WWP2: variants seen among roughly 807,000 people sequenced by gnomAD.
The protein encoded by WWP2 is NEDD4-like E3 ubiquitin-protein ligase WWP2.
A neutral mutation model predicts 121.0 loss-of-function variants in WWP2; 57 were observed. The observed-to-expected ratio is 0.47, with a 90% CI of 0.38 to 0.59. WWP2 has a LOEUF of 0.59. Among genes scored for constraint, WWP2 ranks in the 20% least tolerant of loss-of-function variants. The pLI, the probability that WWP2 is intolerant of heterozygous loss-of-function variation, is 0.00. For synonymous variants in WWP2, 449 were observed against 441.3 expected (o/e 1.02, Z -0.22); for missense variants, 962 against 1,158.9 (o/e 0.83, Z 2.47).
At chr16:69,814,818 C>T (rs7193221) in intron 4 of WWP2, among the ~76,000 whole-genome samples, 2 of 151,730 alleles carry the variant, frequency 1.3e-5, no homozygotes, top group Non-Finnish European at 2.9e-5. Context: ...GACAGTGTAC[C>T]CATTTATTTT....
intron 4 of WWP2, chr16:69,827,862 T>G (rs1167032332): frequency 2.2e-6 from 1 of 455,316 alleles, no homozygotes; most frequent in Non-Finnish European, 4.4e-6. Flanking sequence ...TCTAAAGACT[T>G]AACCTTCCCA....
intron 4 of WWP2, among the ~76,000 whole-genome samples, chr16:69,819,236 A>G (rs758282875): frequency 2.0e-5 from 3 of 152,152 alleles, no homozygotes; most frequent in Non-Finnish European, 2.9e-5. Context: ...TTGTCTTCCT[A>G]TGGAACGGTT....
At chr16:69,763,709 C>G (rs951882746) in intron 1 of WWP2, among the ~76,000 whole-genome samples, 1 of 152,246 alleles carries the variant, frequency 6.6e-6, no homozygotes, top group African/African-American at 2.4e-5. Flanking sequence ...TTGCTGGCCT[C>G]TTCCTGCTAG....
intron 1 of WWP2, among the ~76,000 whole-genome samples, chr16:69,784,829 G>A (rs1031759314): frequency 6.6e-6 from 1 of 151,986 alleles, no homozygotes; most frequent in Non-Finnish European, 1.5e-5. Flanking sequence ...TACTAGATTT[G>A]GGTATTTGGC....
intron 4 of WWP2, among the ~76,000 whole-genome samples, chr16:69,822,541 G>A (rs1384713810): frequency 2.6e-5 from 4 of 152,118 alleles, no homozygotes. Flanking sequence ...GGGTGTGTGT[G>A]TGTGTGTGTT....
chr16:69,923,160 G>C (rs2058587334), intron 10 of WWP2, among the ~76,000 whole-genome samples: 1 of 152,052 alleles, frequency 6.6e-6, no homozygotes, highest in Non-Finnish European at 1.5e-5. Context: ...AAAGTGCTGG[G>C]ATCACCAGCC....
intron 9 of WWP2, chr16:69,910,416 T>C (rs74443425): frequency 1.3e-5 from 4 of 309,652 alleles, no homozygotes; most frequent in Non-Finnish European, 1.7e-5. Context: ...GTACTGTGGC[T>C]TTTTTTTTTT....
At chr16:69,827,975 G>A in intron 4 of WWP2, 1 of 448,406 alleles carries the variant, frequency 2.2e-6, no homozygotes, top group Non-Finnish European at 4.5e-6. Flanking sequence ...GTTTTAAGAG[G>A]ATCCACAGCT....
chr16:69,793,069 T>C (rs892052052), intron 2 of WWP2, among the ~76,000 whole-genome samples: 3 of 152,058 alleles, frequency 2.0e-5, no homozygotes, highest in African/African-American at 7.2e-5. Context: ...ATAAAATAAA[T>C]TCACTGCTGG....
intron 2 of WWP2, among the ~76,000 whole-genome samples, chr16:69,793,083 C>T (rs775423722): frequency 5.3e-5 from 8 of 152,116 alleles, no homozygotes; most frequent in African/African-American, 1.4e-4. Context: ...CTGCTGGGCG[C>T]GGTGGCTCAT....
chr16:69,846,065 A>AAAAAAAAAAAAG, intron 6 of WWP2, among the ~76,000 whole-genome samples: 1 of 149,874 alleles, frequency 6.7e-6, no homozygotes, highest in Non-Finnish European at 1.5e-5. Flanking sequence ...AAAAAAAAAA[A>AAAAAAAAAAAAG]AAAAAGAATA....
At chr16:69,839,522 C>T (rs748891429) in intron 4 of WWP2, among the ~76,000 whole-genome samples, 2 of 152,180 alleles carry the variant, frequency 1.3e-5, no homozygotes, top group African/African-American at 4.8e-5. Context: ...ACGGGGTGCT[C>T]TGGGCCACTT....
intron 1 of WWP2, among the ~76,000 whole-genome samples, chr16:69,774,167 C>G (rs1204770607): frequency 6.6e-6 from 1 of 152,146 alleles, no homozygotes; most frequent in African/African-American, 2.4e-5. Context: ...TCAATTACAT[C>G]TGTTATCTTA....
Position 69,939,947 on chromosome 16 carries a change from CCGCCCCTCCCA to C in WWP2, c.*14_*24del. ...GGGCTTTGGACAGGAGTAACCGAGG[CCGCCCCTCCCA>C]CGCCCCCCAGCGCACATGTAGTCCT... On this transcript the variant is annotated 3_prime_UTR_variant, in exon 24 of 24. Coordinates refer to ENST00000359154, the MANE Select transcript of WWP2 (RefSeq NM_001270454.2). The C allele has an allele frequency of 6.2e-7, 1 of 1,610,772 alleles. No individual in the cohort carries two copies. The highest frequency in any genetic ancestry group is 8.5e-7 in the Non-Finnish European group (1 of 1,178,260).
rs199895251 is a variant in WWP2 at position 69,925,213 on chromosome 16, C to T, written c.1180-217C>T. 6.2e-5 allele frequency: 87 copies of T among 1,401,330 alleles called. No homozygotes were observed. In the East Asian group the frequency reaches 1.3e-3, roughly 20 times the overall value. 86.8% of individuals were successfully genotyped at this position (1,401,330 alleles called of 1,614,324 possible). A position where few individuals can be genotyped will look rare whatever the true frequency, so the allele number is the denominator to read the frequency against. On this transcript the variant is annotated intron_variant, in intron 10 of 23. Transcript: ENST00000359154. The surrounding 1 kb of genome is among the most constrained non-coding windows in gnomAD (Gnocchi z 4.0). ...TTTTCCAAAACTCACTTGGGCCCTCCGTGCGCAGGGTTCTTTTTTGGTTTT... is the reference window on the plus strand; with the variant it reads ...TTTTCCAAAACTCACTTGGGCCCTCTGTGCGCAGGGTTCTTTTTTGGTTTT...
At chr16:69,879,380 C>T (rs1048671521) in intron 7 of WWP2, among the ~76,000 whole-genome samples, 6 of 151,960 alleles carry the variant, frequency 3.9e-5, no homozygotes, top group African/African-American at 1.5e-4. Flanking sequence ...AACATTTCCC[C>T]CCAACCTGAC....
At chr16:69,850,536 A>G (rs931046148) in intron 6 of WWP2, among the ~76,000 whole-genome samples, 3 of 152,116 alleles carry the variant, frequency 2.0e-5, no homozygotes, top group African/African-American at 7.2e-5. Context: ...GTGGGACATT[A>G]CCTAGATATG....
intron 7 of WWP2, among the ~76,000 whole-genome samples, chr16:69,881,490 G>A (rs1009290256): frequency 6.6e-6 from 1 of 152,136 alleles, no homozygotes; most frequent in Non-Finnish European, 1.5e-5. Flanking sequence ...TGCAAAAGTT[G>A]GTGAAATCCA....
chr16:69,806,380 T>C (rs980033683), intron 4 of WWP2, among the ~76,000 whole-genome samples: 1 of 152,172 alleles, frequency 6.6e-6, no homozygotes, highest in African/African-American at 2.4e-5. Flanking sequence ...TGTCTGTAGC[T>C]TTGGTCTATT....
Sources: gnomAD v4.1 joint callset for allele counts (sites outside exome capture counted in the v4.1 genomes callset) on GRCh38, gnomAD v4.1.1 for gene constraint, Gnocchi (gnomAD v3.1) non-coding constraint, MANE v1.5 for transcripts, NCBI Gene and HGNC (gene_info 2026-07-23, HGNC 2026-07-21) for gene names.